CTNNA3: variants seen among roughly 807,000 people sequenced by gnomAD.
CTNNA3 encodes catenin alpha 3.
CTNNA3 carries 76 observed loss-of-function variants against 95.7 expected under a neutral mutation model. That is an observed-to-expected ratio of 0.79 (90% CI 0.66 to 0.96). The LOEUF is 0.96. CTNNA3 is among the 40% of genes least tolerant of loss of function. The pLI is 0.00. For synonymous variants in CTNNA3, 431 were observed against 374.4 expected (o/e 1.15, Z -1.74); for missense variants, 1,191 against 1,089.8 (o/e 1.09, Z -1.31).
chr10:66,565,964 T>C (rs1842690835), intron 10 of CTNNA3, among the ~76,000 whole-genome samples: 1 of 152,100 alleles, frequency 6.6e-6, no homozygotes, highest in African/African-American at 2.4e-5. Context: ...ATGAGGTAAA[T>C]AAATGTTGAA....
At chr10:67,620,923 G>GTATATATATATATATATATATATATATA (rs56300519) in intron 2 of CTNNA3, among the ~76,000 whole-genome samples, 1 of 123,808 alleles carries the variant, frequency 8.1e-6, no homozygotes, top group African/African-American at 3.1e-5. Flanking sequence ...GTGTGTGTGT[G>GTATATATATATATATATATATATATATA]TATATATATA....
At chr10:66,174,877 T>G (rs961792900) in intron 13 of CTNNA3, among the ~76,000 whole-genome samples, 2 of 152,140 alleles carry the variant, frequency 1.3e-5, no homozygotes, top group African/African-American at 4.8e-5. Flanking sequence ...TTTGTTACAT[T>G]TTCATTTAAC....
chr10:66,969,494 A>T (rs147221994), intron 7 of CTNNA3, among the ~76,000 whole-genome samples: 1 of 152,148 alleles, frequency 6.6e-6, no homozygotes, highest in African/African-American at 2.4e-5. Context: ...CTTTAATTGT[A>T]TCTTGGATTA....
At chr10:66,130,635 G>A (rs979475849) in intron 13 of CTNNA3, among the ~76,000 whole-genome samples, 4 of 151,826 alleles carry the variant, frequency 2.6e-5, no homozygotes, top group Non-Finnish European at 5.9e-5. Flanking sequence ...GTGAGGTCTC[G>A]AGTTCGAGAC....
chr10:67,641,980 A>C (rs951063069), intron 2 of CTNNA3, among the ~76,000 whole-genome samples: 6 of 152,228 alleles, frequency 3.9e-5, no homozygotes, highest in Non-Finnish European at 8.8e-5. Context: ...CACATTGTGC[A>C]CATGTACTCT....
chr10:67,060,847 T>C (rs1855717062), intron 7 of CTNNA3, among the ~76,000 whole-genome samples: 1 of 152,052 alleles, frequency 6.6e-6, no homozygotes, highest in Non-Finnish European at 1.5e-5. Flanking sequence ...GAAAAAGAAA[T>C]ACATTTTTGT....
chr10:67,662,504 AC>A (rs1156536161), intron 1 of CTNNA3, among the ~76,000 whole-genome samples: 1 of 152,232 alleles, frequency 6.6e-6, no homozygotes, highest in Non-Finnish European at 1.5e-5. Context: ...GCACAAGAAT[AC>A]CATCACATGT....
intron 5 of CTNNA3, among the ~76,000 whole-genome samples, chr10:67,502,892 A>G (rs1429649042): frequency 6.6e-6 from 1 of 152,178 alleles, no homozygotes; most frequent in East Asian, 1.9e-4. Flanking sequence ...AGTGGATCTT[A>G]GCTTGTTGGG....
At chr10:67,201,119 A>G (rs1863623137) in intron 6 of CTNNA3, among the ~76,000 whole-genome samples, 1 of 152,164 alleles carries the variant, frequency 6.6e-6, no homozygotes, top group South Asian at 2.1e-4. Context: ...CACATGACTA[A>G]GATAGTAATG....
chr10:66,067,507 A>C (rs2080337153), intron 15 of CTNNA3, among the ~76,000 whole-genome samples: 1 of 152,224 alleles, frequency 6.6e-6, no homozygotes, highest in African/African-American at 2.4e-5. Flanking sequence ...TTGGGTCTTC[A>C]TTCTGAAGGC....
chr10:67,387,719 C>T (rs967551169), intron 5 of CTNNA3, among the ~76,000 whole-genome samples: 1 of 152,200 alleles, frequency 6.6e-6, no homozygotes, highest in African/African-American at 2.4e-5. Flanking sequence ...ATCTGAGAAC[C>T]AGCAGACTGC....
chr10:67,412,455 T>C (rs1845401944), intron 5 of CTNNA3, among the ~76,000 whole-genome samples: 1 of 152,050 alleles, frequency 6.6e-6, no homozygotes, highest in Admixed American at 6.6e-5. Context: ...GCATGAAAAC[T>C]TCTCTAGTGT....
At chr10:66,166,498 CAA>C (rs35165850) in intron 13 of CTNNA3, among the ~76,000 whole-genome samples, 33,243 of 105,282 alleles carry the variant, frequency 0.32, 3,818 homozygotes, top group South Asian at 0.46. Flanking sequence ...CAGTCTGTCT[CAA>C]AAAAAAAAAA....
chr10:67,500,723 GT>G (rs1314869375), intron 5 of CTNNA3, among the ~76,000 whole-genome samples: 1 of 152,150 alleles, frequency 6.6e-6, no homozygotes, highest in Non-Finnish European at 1.5e-5. Context: ...TTTAAAGTCG[GT>G]TTTATCAGAG....
At chr10:67,039,360 A>T (rs1266502447) in intron 7 of CTNNA3, among the ~76,000 whole-genome samples, 1 of 152,172 alleles carries the variant, frequency 6.6e-6, no homozygotes, top group Admixed American at 6.5e-5. Context: ...TTTTTTCTGG[A>T]GACAAACATT....
At position 66,002,667 on chromosome 10, in the gene CTNNA3, C is replaced by T. The variant is rs56014461; in HGVS notation, c.2160-13870G>A. ...CCCTCGATCTACAAGATATCCTGTC[C>T]CCTAAGGCTCCAGAACCCTCTGCAC... On this transcript the variant is annotated intron_variant, in intron 15 of 17. Transcript: ENST00000433211. Among the ~76,000 whole-genome samples the T allele has an allele frequency of 8.7e-4, 132 of 152,220 alleles. 1 individual carries two copies. Among genetic ancestry groups the T allele is most frequent in the African/African-American group, 3.0e-3 (126 of 41,536 alleles).
chr10:66,175,599 A>C (rs906034921), intron 13 of CTNNA3, among the ~76,000 whole-genome samples: 1 of 152,168 alleles, frequency 6.6e-6, no homozygotes, highest in Non-Finnish European at 1.5e-5. Flanking sequence ...ATTTGGTGGA[A>C]ACACCAGCTA....
At chr10:67,736,787 C>G (rs928275949) in intron 1 of CTNNA3, among the ~76,000 whole-genome samples, 14 of 151,996 alleles carry the variant, frequency 9.2e-5, no homozygotes, top group African/African-American at 2.4e-4. Flanking sequence ...TTAGATTTAA[C>G]TAGACTTAAC....
chr10:67,498,611 G>A (rs1442129464), intron 5 of CTNNA3, among the ~76,000 whole-genome samples: 2 of 152,084 alleles, frequency 1.3e-5, no homozygotes, highest in Non-Finnish European at 1.5e-5. Context: ...TTATTTCCTT[G>A]AGCAGTGGTT....
Sources: gnomAD v4.1 joint callset for allele counts (sites outside exome capture counted in the v4.1 genomes callset) on GRCh38, gnomAD v4.1.1 for gene constraint, MANE v1.5 for transcripts, NCBI Gene and HGNC (gene_info 2026-07-23, HGNC 2026-07-21) for gene names.